The following SAMTOR variants were observed in gnomAD, a reference collection of about 807,000 sequenced individuals.
The protein encoded by SAMTOR is UPF0532 protein C7orf60.
At chr7:112,845,050 G>C in the SAMTOR span, among the ~76,000 whole-genome samples, 17 of 152,142 alleles carry the variant, frequency 1.1e-4, no homozygotes, top group African/African-American at 4.1e-4. Context: ...GCAGAAGATT[G>C]AAACTAGACC....
the SAMTOR span, among the ~76,000 whole-genome samples, chr7:112,828,761 T>C: frequency 2.6e-5 from 4 of 152,146 alleles, no homozygotes; most frequent in Non-Finnish European, 5.9e-5. Context: ...GCTAAAGCAC[T>C]TCCACCTTAA....
At chr7:112,912,243 G>C in the SAMTOR span, among the ~76,000 whole-genome samples, 1 of 151,934 alleles carries the variant, frequency 6.6e-6, no homozygotes, top group Non-Finnish European at 1.5e-5. Flanking sequence ...CCTTCAAATA[G>C]TTCAGGAAAT....
chr7:112,923,257 G>C, the SAMTOR span, among the ~76,000 whole-genome samples: 2 of 152,030 alleles, frequency 1.3e-5, no homozygotes, highest in Non-Finnish European at 2.9e-5. Context: ...GATGTGCTTT[G>C]TTAAACAGAT....
chr7:112,873,655 C>A, the SAMTOR span, among the ~76,000 whole-genome samples: 1 of 152,046 alleles, frequency 6.6e-6, no homozygotes, highest in East Asian at 1.9e-4. Context: ...TTGGCCTAGG[C>A]AAAGAATATA....
chr7:112,829,722 C>T, the SAMTOR span, among the ~76,000 whole-genome samples: 7 of 152,164 alleles, frequency 4.6e-5, no homozygotes, highest in African/African-American at 1.7e-4. Context: ...AGATTTGTTA[C>T]ATGGGACTAG....
chr7:112,834,765 G>A, the SAMTOR span, among the ~76,000 whole-genome samples: 30 of 152,056 alleles, frequency 2.0e-4, no homozygotes, highest in African/African-American at 6.0e-4. Context: ...CCTGATGTAC[G>A]GTCAGAAGGT....
chr7:112,897,717 TAC>T, the SAMTOR span, among the ~76,000 whole-genome samples: 4 of 152,120 alleles, frequency 2.6e-5, no homozygotes, highest in African/African-American at 7.2e-5. Context: ...CCACTCAAAG[TAC>T]AGAGTCAGAT....
At chr7:112,868,271 T>C in the SAMTOR span, among the ~76,000 whole-genome samples, 1 of 152,152 alleles carries the variant, frequency 6.6e-6, no homozygotes, top group African/African-American at 2.4e-5. Flanking sequence ...CACTTGGAAA[T>C]AGCAAAAATA....
chr7:112,874,380 C>T, the SAMTOR span, among the ~76,000 whole-genome samples: 1 of 152,140 alleles, frequency 6.6e-6, no homozygotes, highest in African/African-American at 2.4e-5. Context: ...AAAATCATGT[C>T]CTCTGCAGCA....
the SAMTOR span, among the ~76,000 whole-genome samples, chr7:112,880,249 T>C: frequency 6.6e-6 from 1 of 152,166 alleles, no homozygotes; most frequent in East Asian, 1.9e-4. Context: ...ACTATTTTCA[T>C]TCTCAATGCC....
the SAMTOR span, among the ~76,000 whole-genome samples, chr7:112,870,870 A>C: frequency 1.3e-5 from 2 of 152,148 alleles, no homozygotes; most frequent in Non-Finnish European, 2.9e-5. Context: ...ATAAAAAAAA[A>C]CAGGGGTCAC....
the SAMTOR span, among the ~76,000 whole-genome samples, chr7:112,825,934 T>C: frequency 6.6e-5 from 10 of 152,050 alleles, no homozygotes; most frequent in African/African-American, 2.2e-4. Flanking sequence ...CTGTGCCTAC[T>C]GAAATGATCA....
chr7:112,873,055 A>C, the SAMTOR span, among the ~76,000 whole-genome samples: 1 of 152,166 alleles, frequency 6.6e-6, no homozygotes, highest in South Asian at 2.1e-4. Context: ...CTGCTAAAAA[A>C]AAAATTACAG....
chr7:112,937,770 T>C, the SAMTOR span, among the ~76,000 whole-genome samples: 1 of 147,766 alleles, frequency 6.8e-6, no homozygotes, highest in African/African-American at 2.5e-5. Flanking sequence ...CCCAGAAGCA[T>C]ACTAGATCAT....
the SAMTOR span, among the ~76,000 whole-genome samples, chr7:112,897,220 A>G: frequency 1.3e-5 from 2 of 152,158 alleles, no homozygotes; most frequent in Non-Finnish European, 2.9e-5. Flanking sequence ...AAAATGTTCT[A>G]TATCTTGATA....
the SAMTOR span, among the ~76,000 whole-genome samples, chr7:112,909,993 T>C: frequency 6.6e-6 from 1 of 151,928 alleles, no homozygotes; most frequent in African/African-American, 2.4e-5. Context: ...TAAATGAAAC[T>C]AGGACTCCCT....
chr7:112,907,202 A>G, the SAMTOR span, among the ~76,000 whole-genome samples: 23 of 152,316 alleles, frequency 1.5e-4, no homozygotes, highest in Non-Finnish European at 3.1e-4. Flanking sequence ...GGGAAAACTT[A>G]GTACATCATG....
chr7:112,904,579 C>A, the SAMTOR span, among the ~76,000 whole-genome samples: 1 of 151,760 alleles, frequency 6.6e-6, no homozygotes, highest in South Asian at 2.1e-4. Flanking sequence ...TCAATACAAA[C>A]AAAAGAAGAA....
the SAMTOR span, among the ~76,000 whole-genome samples, chr7:112,854,488 T>C: frequency 5.9e-5 from 9 of 152,158 alleles, no homozygotes; most frequent in African/African-American, 1.2e-4. Context: ...GGGAACCAGA[T>C]ATTGGCTCAT....
Sources: gnomAD v4.1 joint callset for allele counts (sites outside exome capture counted in the v4.1 genomes callset) on GRCh38, gnomAD v4.1.1 for gene constraint, MANE v1.5 for transcripts, NCBI Gene and HGNC (gene_info 2026-07-23, HGNC 2026-07-21) for gene names.